The following KLHL13 variants were observed in gnomAD, a reference collection of about 807,000 sequenced individuals.
KLHL13 encodes the protein kelch like family member 13.
KLHL13 carries 10 observed loss-of-function variants against 37.1 expected under a neutral mutation model. That is an observed-to-expected ratio of 0.27 (90% CI 0.17 to 0.46). The LOEUF (loss-of-function observed/expected upper bound fraction) is 0.46, where lower values mean the gene tolerates loss of function less well. KLHL13 is among the 20% of genes least tolerant of loss of function. The pLI is 1.00. For synonymous variants in KLHL13, 163 were observed against 181.2 expected, an observed-to-expected ratio of 0.90 and a Z score of 0.81; for missense variants, 360 against 509.3, an observed-to-expected ratio of 0.71 and a Z score of 2.82.
At position 118,108,638 on chromosome X, in the gene KLHL13, G is replaced by A. The variant is rs1395680494; in HGVS notation, c.-56+7870C>T. On this transcript the variant is annotated intron_variant, in intron 1 of 6. Transcript: ENST00000371882. ...TGGCCAGCAATTAACAAACCAATTT[G>A]TATACTATGCTGTAAATGAAAGCAG... is the stretch of plus-strand genomic sequence containing the variant. Among the ~76,000 whole-genome samples the A allele has an allele frequency of 2.7e-5, 3 of 112,086 alleles. No individual in the cohort carries two copies. The South Asian group carries it at 1.1e-3, about 42-fold the overall frequency.
chrX:117,911,584 G>A (rs1253311117), intron 4 of KLHL13, among the ~76,000 whole-genome samples: 1 of 111,642 alleles, frequency 9.0e-6, no homozygotes, highest in African/African-American at 3.3e-5. Flanking sequence ...GGTGTGTGAT[G>A]TTCCCCTCCC....
chrX:118,082,170 T>C (rs771788924), intron 1 of KLHL13, among the ~76,000 whole-genome samples: 1 of 111,061 alleles, frequency 9.0e-6, no homozygotes, highest in Admixed American at 9.7e-5. Flanking sequence ...CTATTTAGAT[T>C]TTTTTAGGAA....
At chrX:117,970,309 T>C (rs2053503333) in intron 1 of KLHL13, among the ~76,000 whole-genome samples, 1 of 111,858 alleles carries the variant, frequency 8.9e-6, no homozygotes, top group Non-Finnish European at 1.9e-5. Context: ...TACAAAAAGA[T>C]CTTATATCAC....
chrX:118,054,440 A>G (rs2054665031), intron 1 of KLHL13, among the ~76,000 whole-genome samples: 1 of 111,801 alleles, frequency 8.9e-6, no homozygotes, highest in East Asian at 2.8e-4. Context: ...GTAAAAGAAA[A>G]AAAAACATCA....
At chrX:118,031,146 C>G (rs1200001615) in intron 1 of KLHL13, among the ~76,000 whole-genome samples, 2 of 110,389 alleles carry the variant, frequency 1.8e-5, no homozygotes, top group Non-Finnish European at 3.8e-5. Flanking sequence ...CCAGGTACCT[C>G]CAAGTCTTAA....
At chrX:117,973,395 T>C (rs1036990886) in exon 1 of KLHL13, 38 of 969,845 alleles carry the variant, frequency 3.9e-5, no homozygotes, top group Non-Finnish European at 4.4e-5. Flanking sequence ...AGCATAGCCT[T>C]AGGCTACCGC....
intron 5 of KLHL13, among the ~76,000 whole-genome samples, chrX:117,903,106 T>C (rs1349776064): frequency 1.0e-5 from 1 of 97,007 alleles, no homozygotes; most frequent in African/African-American, 4.0e-5. Context: ...GATTCTCTAC[T>C]TAAAAAAAAA....
At chrX:118,098,767 C>A in intron 1 of KLHL13, among the ~76,000 whole-genome samples, 1 of 105,933 alleles carries the variant, frequency 9.4e-6, no homozygotes, top group Non-Finnish European at 1.9e-5. Context: ...GAGTTCACGT[C>A]CTTTGTAGGG....
At position 117,928,057 on chromosome X, in the gene KLHL13, T is replaced by C. The variant is rs573307540; in HGVS notation, c.241-7687A>G. 5.3e-5 allele frequency among the ~76,000 whole-genome samples: 6 copies of C among 112,293 alleles called. No homozygotes were observed. In the South Asian group the frequency reaches 2.2e-3, roughly 42 times the overall value. ...CTAATTAAAATAAACCTAGCATGAC[T>C]ACAATACCAAACAAAATAGATCTCA... On this transcript the variant is annotated intron_variant, in intron 2 of 6. Coordinates refer to ENST00000262820, the Ensembl canonical transcript of KLHL13.
intron 1 of KLHL13, among the ~76,000 whole-genome samples, chrX:118,096,581 G>C (rs1024155629): frequency 2.7e-5 from 3 of 111,740 alleles, no homozygotes; most frequent in African/African-American, 6.5e-5. Context: ...TCTTTGATGA[G>C]GCCAGCATCA....
At chrX:118,116,949 G>A (rs1243668907), upstream of KLHL13, 1 of 110,314 alleles carries the variant, frequency 9.1e-6, no homozygotes, top group Non-Finnish European at 1.9e-5. Flanking sequence ...GTGGCGGGGA[G>A]CCGGGGCTAG....
chrX:118,093,408 T>A (rs997004461), intron 1 of KLHL13, among the ~76,000 whole-genome samples: 2 of 111,771 alleles, frequency 1.8e-5, no homozygotes, highest in Non-Finnish European at 1.9e-5. Context: ...CATGACGCAA[T>A]AAAATGAAGT....
At chrX:117,902,004 AT>A in intron 5 of KLHL13, 58 bp from the exon 7 acceptor site, 1 of 615,013 alleles carries the variant, frequency 1.6e-6, no homozygotes, top group East Asian at 3.5e-5. Context: ...GCAATTAATT[AT>A]TTTTCTCTTA....
At chrX:117,985,271 C>T (rs2053710371) in intron 1 of KLHL13, 1 of 1,142,960 alleles carries the variant, frequency 8.7e-7, no homozygotes, top group East Asian at 3.3e-5. Context: ...AAGGTTTGAA[C>T]TCTCATCATT....
chrX:118,061,267 G>C (rs2054738669), intron 1 of KLHL13, among the ~76,000 whole-genome samples: 1 of 111,540 alleles, frequency 9.0e-6, no homozygotes. Context: ...GAAATGTGTT[G>C]GGGTACTTTT....
intron 5 of KLHL13, among the ~76,000 whole-genome samples, chrX:117,903,212 T>C (rs1193557147): frequency 2.9e-5 from 3 of 101,907 alleles, no homozygotes; most frequent in African/African-American, 1.3e-4. Context: ...GAGACTACTT[T>C]TCCGCTCTAT....
chrX:118,063,132 C>T (rs1270110150), intron 1 of KLHL13, among the ~76,000 whole-genome samples: 1 of 111,068 alleles, frequency 9.0e-6, no homozygotes, highest in South Asian at 3.8e-4. Flanking sequence ...GAATTTCAAT[C>T]GTGAAAGACT....
At chrX:118,022,084 T>C (rs2054222404) in intron 1 of KLHL13, among the ~76,000 whole-genome samples, 1 of 112,206 alleles carries the variant, frequency 8.9e-6, no homozygotes, top group Admixed American at 9.5e-5. Flanking sequence ...ATGGGGTTGA[T>C]TTTTTCTTGC....
upstream of KLHL13, among the ~76,000 whole-genome samples, chrX:117,976,993 C>A (rs1464043309): frequency 8.9e-6 from 1 of 111,956 alleles, no homozygotes; most frequent in Admixed American, 9.5e-5. Flanking sequence ...TGTTGTATCA[C>A]AAGCTAGCAG....
Sources: gnomAD v4.1 joint callset for allele counts (sites outside exome capture counted in the v4.1 genomes callset) on GRCh38, gnomAD v4.1.1 for gene constraint, MANE v1.5 for transcripts, NCBI Gene and HGNC (gene_info 2026-07-23, HGNC 2026-07-21) for gene names.